The following CFAP299 variants were observed in gnomAD, a reference collection of about 807,000 sequenced individuals.
The protein encoded by CFAP299 is cilia and flagella associated protein 299.
In CFAP299, 21 loss-of-function variants were observed where a neutral mutation model predicts 27.0. The observed-to-expected ratio is 0.78, with a 90% CI of 0.55 to 1.12. The LOEUF (loss-of-function observed/expected upper bound fraction) is 1.12. Ranked by LOEUF, CFAP299 falls within the 50% of genes most tolerant of loss-of-function variation. The pLI, the probability that CFAP299 is intolerant of heterozygous loss-of-function variation, is 0.00. For missense variants in CFAP299, 310 were observed against 276.6 expected (o/e 1.12, Z -0.86); for synonymous variants, 104 against 98.1 (o/e 1.06, Z -0.36).
At chr4:80,803,283 T>G (rs957509360) in intron 3 of CFAP299, among the ~76,000 whole-genome samples, 1 of 152,100 alleles carries the variant, frequency 6.6e-6, no homozygotes, top group Non-Finnish European at 1.5e-5. Flanking sequence ...TACAGAAACA[T>G]CATCAACAAA....
At chr4:80,798,935 T>A (rs1728032935) in intron 3 of CFAP299, among the ~76,000 whole-genome samples, 1 of 151,228 alleles carries the variant, frequency 6.6e-6, no homozygotes, top group East Asian at 1.9e-4. Context: ...GTAGAGTTCT[T>A]AGCATTTTTG....
chr4:80,660,852 A>G (rs1014938104), intron 3 of CFAP299, among the ~76,000 whole-genome samples: 2 of 152,200 alleles, frequency 1.3e-5, no homozygotes, highest in Non-Finnish European at 2.9e-5. Context: ...TTCCTTCAGC[A>G]GTACCCAGGG....
At chr4:80,861,129 C>A (rs1732318184) in intron 3 of CFAP299, among the ~76,000 whole-genome samples, 1 of 152,224 alleles carries the variant, frequency 6.6e-6, no homozygotes, top group Non-Finnish European at 1.5e-5. Flanking sequence ...CGCCCCTCCC[C>A]CAGCCTCGCT....
In CFAP299 at chr4:80,887,134, G is replaced by A. The variant is rs140206574; in HGVS notation, c.476+16999G>A. Among the ~76,000 whole-genome samples the A allele has an allele frequency of 8.0e-3, 1,213 of 152,242 alleles. 10 individuals are homozygous for A. The highest frequency in any genetic ancestry group is 0.013 in the Non-Finnish European group (855 of 68,002). ...AAGAATTATTGGCCTTAAAGAGGAGGTAGACAAAGAGATAGGAGTAGAAAA... is the reference window on the plus strand; with the variant it reads ...AAGAATTATTGGCCTTAAAGAGGAGATAGACAAAGAGATAGGAGTAGAAAA... On this transcript the variant is annotated intron_variant, in intron 4 of 5. Transcript: ENST00000358105.
chr4:80,756,796 C>A (rs1725262118), intron 3 of CFAP299, among the ~76,000 whole-genome samples: 1 of 151,910 alleles, frequency 6.6e-6, no homozygotes, highest in Non-Finnish European at 1.5e-5. Context: ...AATGTGCTGA[C>A]CTCTGTCATA....
At chr4:80,952,570 C>G (rs1737838629) in intron 5 of CFAP299, among the ~76,000 whole-genome samples, 1 of 152,140 alleles carries the variant, frequency 6.6e-6, no homozygotes, top group Admixed American at 6.6e-5. Context: ...TGCGTAGTCA[C>G]TGTTGTCTAT....
upstream of CFAP299, among the ~76,000 whole-genome samples, chr4:80,331,710 C>T (rs561670093): frequency 2.0e-5 from 3 of 152,144 alleles, no homozygotes; most frequent in Admixed American, 6.5e-5. Context: ...TTAGGAGGCA[C>T]AAAAAGAGGA....
chr4:80,448,130 CTT>C (rs993319078), intron 2 of CFAP299, among the ~76,000 whole-genome samples: 2 of 152,218 alleles, frequency 1.3e-5, no homozygotes, highest in Non-Finnish European at 2.9e-5. Flanking sequence ...ATATTGCAGA[CTT>C]TATTTCTCCC....
chr4:80,712,035 C>A (rs1722204991), intron 3 of CFAP299, among the ~76,000 whole-genome samples: 1 of 152,188 alleles, frequency 6.6e-6, no homozygotes, highest in Admixed American at 6.5e-5. Flanking sequence ...GCAATACTTA[C>A]CTAGCTCATG....
intron 3 of CFAP299, among the ~76,000 whole-genome samples, chr4:80,682,711 A>G (rs1719920295): frequency 6.6e-6 from 1 of 152,162 alleles, no homozygotes; most frequent in African/African-American, 2.4e-5. Flanking sequence ...CCTTTATTAT[A>G]AGACCAAAGA....
intron 1 of CFAP299, among the ~76,000 whole-genome samples, chr4:80,358,862 C>T (rs1723401736): frequency 6.6e-6 from 1 of 152,088 alleles, no homozygotes; most frequent in African/African-American, 2.4e-5. Flanking sequence ...CCTGTCACCA[C>T]AGTTTTAGCT....
At chr4:80,541,235 A>C (rs929902534) in intron 2 of CFAP299, among the ~76,000 whole-genome samples, 4 of 152,206 alleles carry the variant, frequency 2.6e-5, no homozygotes, top group Non-Finnish European at 5.9e-5. Flanking sequence ...TTGCAGAAGT[A>C]TAATTTCTCT....
intron 2 of CFAP299, chr4:80,386,678 C>T (rs1341443778): frequency 2.5e-6 from 4 of 1,581,032 alleles, no homozygotes; most frequent in East Asian, 4.5e-5. Flanking sequence ...GAGGTGGGCA[C>T]GGCGGCTGAA....
At chr4:80,482,936 A>C (rs1730637676) in intron 2 of CFAP299, among the ~76,000 whole-genome samples, 1 of 152,200 alleles carries the variant, frequency 6.6e-6, no homozygotes, top group Non-Finnish European at 1.5e-5. Context: ...AGACAGAACA[A>C]TACCTTCCCT....
At chr4:80,412,078 C>G (rs1488004840) in intron 2 of CFAP299, among the ~76,000 whole-genome samples, 1 of 152,108 alleles carries the variant, frequency 6.6e-6, no homozygotes, top group African/African-American at 2.4e-5. Context: ...AAGTACCTTA[C>G]ATAGGTCCCT....
upstream of CFAP299, among the ~76,000 whole-genome samples, chr4:80,331,986 CT>C (rs1220537166): frequency 6.6e-6 from 1 of 152,130 alleles, no homozygotes; most frequent in Non-Finnish European, 1.5e-5. Flanking sequence ...GAAGAAACAG[CT>C]AATGGAAAAC....
At chr4:80,387,306 T>C (rs757270910) in intron 2 of CFAP299, 19 of 1,609,526 alleles carry the variant, frequency 1.2e-5, no homozygotes, top group Non-Finnish European at 1.6e-5. Context: ...GTGTCGAGCT[T>C]TGGGAACGTT....
At chr4:80,830,844 G>A (rs1233953602) in intron 3 of CFAP299, among the ~76,000 whole-genome samples, 2 of 152,116 alleles carry the variant, frequency 1.3e-5, no homozygotes, top group African/African-American at 4.8e-5. Context: ...ATGACTACCT[G>A]TGAGAAGAGC....
chr4:80,628,436 G>A (rs1241849758), intron 3 of CFAP299, among the ~76,000 whole-genome samples: 2 of 151,932 alleles, frequency 1.3e-5, no homozygotes, highest in African/African-American at 4.8e-5. Context: ...GACTTTTTTG[G>A]AAATGACCCC....
Sources: allele counts gnomAD v4.1 joint callset (sites outside exome capture counted in the v4.1 genomes callset), GRCh38; gene constraint gnomAD v4.1.1; transcripts MANE v1.5; gene names NCBI Gene and HGNC (gene_info 2026-07-23, HGNC 2026-07-21).